The following RAP1A variants were observed in gnomAD, a reference collection of about 807,000 sequenced individuals.
RAP1A encodes RAP1A, member of RAS oncogene family, also known as ras-related protein Rap-1A.
Under a neutral mutation model 26.4 loss-of-function variants are expected in RAP1A, and 6 were observed. The observed-to-expected ratio is 0.23, with a 90% CI of 0.12 to 0.45. RAP1A has a LOEUF of 0.45. Ranked by LOEUF, RAP1A falls within the 20% of genes least tolerant of loss-of-function variation. RAP1A has a pLI of 0.99. For missense variants in RAP1A, 121 were observed against 217.2 expected (o/e 0.56, Z 2.78); for synonymous variants, 73 against 79.4 (o/e 0.92, Z 0.43).
chr1:111,625,861 C>A (rs1659383897), intron 1 of RAP1A, among the ~76,000 whole-genome samples: 1 of 152,028 alleles, frequency 6.6e-6, no homozygotes, highest in South Asian at 2.1e-4. Context: ...ACGCTGTTCT[C>A]CACCTCCTGG....
intron 2 of RAP1A, among the ~76,000 whole-genome samples, chr1:111,694,239 T>C (rs975110690): frequency 9.2e-5 from 14 of 152,170 alleles, no homozygotes; most frequent in African/African-American, 3.1e-4. Context: ...ATGAGGTGAT[T>C]AAATCCTTGA....
At chr1:111,649,620 G>A (rs976936938) in intron 1 of RAP1A, 10 of 204,654 alleles carry the variant, frequency 4.9e-5, no homozygotes, top group Middle Eastern at 2.7e-3. Flanking sequence ...TATTATCATT[G>A]CCTAATATCC....
intron 1 of RAP1A, among the ~76,000 whole-genome samples, chr1:111,633,556 C>CA (rs1242874196): frequency 2.0e-5 from 3 of 152,074 alleles, no homozygotes; most frequent in African/African-American, 7.2e-5. Context: ...CTTTTTCGTT[C>CA]AACTGGTAAG....
chr1:111,684,496 A>T (rs1450258333), intron 1 of RAP1A, among the ~76,000 whole-genome samples: 1 of 152,190 alleles, frequency 6.6e-6, no homozygotes, highest in South Asian at 2.1e-4. Context: ...CCTATACACT[A>T]ATAACAGCCA....
At chr1:111,686,123 G>T (rs1481860946) in intron 1 of RAP1A, among the ~76,000 whole-genome samples, 1 of 151,776 alleles carries the variant, frequency 6.6e-6, no homozygotes, top group Non-Finnish European at 1.5e-5. Flanking sequence ...GGGGCCTGTC[G>T]GGGGGTGGGG....
At chr1:111,633,753 G>C (rs1207193323) in intron 1 of RAP1A, among the ~76,000 whole-genome samples, 2 of 152,076 alleles carry the variant, frequency 1.3e-5, no homozygotes, top group Non-Finnish European at 2.9e-5. Context: ...CTTTTACATT[G>C]GAATATGATA....
chr1:111,546,110 A>T (rs1657025978), intron 1 of RAP1A, among the ~76,000 whole-genome samples: 1 of 152,106 alleles, frequency 6.6e-6, no homozygotes, highest in Non-Finnish European at 1.5e-5. Context: ...GGTCTCTTGC[A>T]TTTCCACATG....
intron 1 of RAP1A, among the ~76,000 whole-genome samples, chr1:111,574,717 A>T (rs1658111909): frequency 6.6e-6 from 1 of 152,254 alleles, no homozygotes. Flanking sequence ...GTAAAGTCCC[A>T]GACAAACTAA....
chr1:111,675,124 T>G (rs1199631112), intron 1 of RAP1A, among the ~76,000 whole-genome samples: 2 of 152,184 alleles, frequency 1.3e-5, no homozygotes, highest in African/African-American at 2.4e-5. Context: ...TTCTAAGCAT[T>G]ATAGCTGAAA....
intron 1 of RAP1A, among the ~76,000 whole-genome samples, chr1:111,566,902 G>T (rs1657930213): frequency 6.6e-6 from 1 of 151,466 alleles, no homozygotes; most frequent in East Asian, 1.9e-4. Flanking sequence ...AGGAGGAAGG[G>T]TCTCTTTAAG....
intron 1 of RAP1A, among the ~76,000 whole-genome samples, chr1:111,569,913 C>CTT (rs950039537): frequency 7.2e-5 from 11 of 152,142 alleles, no homozygotes; most frequent in Admixed American, 7.2e-4. Flanking sequence ...ATTAAGAAGT[C>CTT]TTTTCCCAGT....
intron 2 of RAP1A, among the ~76,000 whole-genome samples, chr1:111,694,180 T>C (rs1219261755): frequency 6.6e-6 from 1 of 152,158 alleles, no homozygotes; most frequent in Non-Finnish European, 1.5e-5. Flanking sequence ...AGCCACTGCA[T>C]CCAGCGTAGA....
At chr1:111,676,011 A>G (rs559284909) in intron 1 of RAP1A, among the ~76,000 whole-genome samples, 1 of 152,140 alleles carries the variant, frequency 6.6e-6, no homozygotes, top group African/African-American at 2.4e-5. Context: ...AACTGCCCCC[A>G]TGATTTCAAT....
At chr1:111,613,755 G>A (rs1308914730) in intron 1 of RAP1A, among the ~76,000 whole-genome samples, 1 of 152,150 alleles carries the variant, frequency 6.6e-6, no homozygotes, top group East Asian at 1.9e-4. Context: ...TGCCAGAAAG[G>A]ATTCTAAATG....
At chr1:111,662,841 T>C (rs565552183) in intron 1 of RAP1A, among the ~76,000 whole-genome samples, 1 of 152,330 alleles carries the variant, frequency 6.6e-6, no homozygotes, top group South Asian at 2.1e-4. Flanking sequence ...GATAAATGAC[T>C]TGTCTTGGCT....
chr1:111,560,228 C>T (rs72981078), intron 1 of RAP1A, among the ~76,000 whole-genome samples: 3,242 of 152,232 alleles, frequency 0.021, 111 homozygotes, highest in African/African-American at 0.074. Flanking sequence ...CCAACCTCGT[C>T]TTACAATCTT....
At chr1:111,609,691 A>G (rs965723305) in intron 1 of RAP1A, among the ~76,000 whole-genome samples, 4 of 152,160 alleles carry the variant, frequency 2.6e-5, no homozygotes. Flanking sequence ...GCTGGAGTGC[A>G]GTGGCATGCT....
intron 1 of RAP1A, among the ~76,000 whole-genome samples, chr1:111,625,090 C>T (rs1659351545): frequency 6.6e-6 from 1 of 151,958 alleles, no homozygotes; most frequent in Non-Finnish European, 1.5e-5. Context: ...TAAATTAGGC[C>T]ATATTTCATA....
chr1:111,601,890 A>G (rs991450402), intron 1 of RAP1A, among the ~76,000 whole-genome samples: 2 of 152,230 alleles, frequency 1.3e-5, no homozygotes, highest in African/African-American at 2.4e-5. Flanking sequence ...TATTTTTATA[A>G]CAAGGGTAAG....
Sources: gnomAD v4.1 joint callset for allele counts (sites outside exome capture counted in the v4.1 genomes callset) on GRCh38, gnomAD v4.1.1 for gene constraint, MANE v1.5 for transcripts, NCBI Gene and HGNC (gene_info 2026-07-23, HGNC 2026-07-21) for gene names.